The following ZNF438 variants were observed in gnomAD, a reference collection of about 807,000 sequenced individuals.
The protein encoded by ZNF438 is zinc finger protein 438.
In ZNF438, 25 loss-of-function variants were observed where a neutral mutation model predicts 38.0. The observed-to-expected ratio is 0.66, with a 90% confidence interval of 0.48 to 0.92. ZNF438 has a LOEUF of 0.92. Among genes scored for constraint, ZNF438 ranks in the 40% least tolerant of loss-of-function variants. The pLI, the probability that ZNF438 is intolerant of heterozygous loss-of-function variation, is 0.00. For synonymous variants in ZNF438, 372 were observed against 364.1 expected (o/e 1.02, Z -0.25); for missense variants, 1,007 against 999.6 (o/e 1.01, Z -0.10).
intron 3 of ZNF438, among the ~76,000 whole-genome samples, chr10:30,904,332 T>C (rs2042358079): frequency 6.6e-6 from 1 of 152,176 alleles, no homozygotes; most frequent in African/African-American, 2.4e-5. Flanking sequence ...GAGCCATGCC[T>C]TACACCTCTC....
At chr10:30,854,799 G>T (rs1331917984) in intron 4 of ZNF438, among the ~76,000 whole-genome samples, 1 of 152,134 alleles carries the variant, frequency 6.6e-6, no homozygotes, top group Non-Finnish European at 1.5e-5. Context: ...GGGGATTAGA[G>T]CGAAGACAGA....
intron 1 of ZNF438, among the ~76,000 whole-genome samples, chr10:30,979,744 T>A (rs2051887434): frequency 6.6e-6 from 1 of 152,182 alleles, no homozygotes; most frequent in African/African-American, 2.4e-5. Flanking sequence ...CTCCCACTAT[T>A]ATTGTGTGGG....
At chr10:30,994,134 A>G (rs537597346) in intron 1 of ZNF438, among the ~76,000 whole-genome samples, 1 of 152,234 alleles carries the variant, frequency 6.6e-6, no homozygotes, top group Non-Finnish European at 1.5e-5. Flanking sequence ...GTCTCACTCA[A>G]ATCTGATTTA....
At chr10:30,910,566 A>G (rs1312708956) in intron 2 of ZNF438, 1 of 151,850 alleles carries the variant, frequency 6.6e-6, no homozygotes, top group African/African-American at 2.4e-5. Context: ...GCATGGTAGC[A>G]TGAAGAACGG....
chr10:30,951,660 G>A (rs1026490333), intron 1 of ZNF438, among the ~76,000 whole-genome samples: 2 of 152,066 alleles, frequency 1.3e-5, no homozygotes, highest in Non-Finnish European at 2.9e-5. Context: ...TTGCTTCAAA[G>A]AGAATAAAAT....
intron 1 of ZNF438, among the ~76,000 whole-genome samples, chr10:30,948,304 A>T (rs2047700442): frequency 6.6e-6 from 1 of 152,140 alleles, no homozygotes; most frequent in Non-Finnish European, 1.5e-5. Flanking sequence ...TGGGGAAAAA[A>T]CAGAACAGAA....
At chr10:30,872,067 G>A (rs947310244) in intron 4 of ZNF438, among the ~76,000 whole-genome samples, 1 of 152,206 alleles carries the variant, frequency 6.6e-6, no homozygotes, top group Non-Finnish European at 1.5e-5. Context: ...CTAGGAAATG[G>A]CAAACTTAAC....
intron 4 of ZNF438, chr10:30,875,556 C>T (rs1459888703): frequency 2.0e-6 from 2 of 985,302 alleles, no homozygotes; most frequent in African/African-American, 3.5e-5. Context: ...AATTTCAAAC[C>T]CTTCATCAGC....
chr10:30,851,649 C>A (rs976361310), intron 4 of ZNF438, among the ~76,000 whole-genome samples: 1 of 152,212 alleles, frequency 6.6e-6, no homozygotes, highest in African/African-American at 2.4e-5. Context: ...ACTTCTGTAG[C>A]AAAACATGCA....
At chr10:30,943,891 C>T (rs906464974) in intron 1 of ZNF438, among the ~76,000 whole-genome samples, 6 of 130,946 alleles carry the variant, frequency 4.6e-5, no homozygotes, top group African/African-American at 1.1e-4. Context: ...AACAAACAAA[C>T]AAATTGCGGC....
intron 3 of ZNF438, among the ~76,000 whole-genome samples, chr10:30,903,034 C>G (rs567393474): frequency 4.4e-4 from 67 of 152,290 alleles, no homozygotes; most frequent in African/African-American, 1.6e-3. Flanking sequence ...CAGCTGCTGG[C>G]CCAGGTCCTA....
Position 30,961,712 on chromosome 10 carries a change from C to G in ZNF438, c.-191-20061G>C, listed in dbSNP as rs541316662. Among the ~76,000 whole-genome samples, 131 of 145,212 alleles carry G rather than the reference C, an allele frequency of 9.0e-4. 3 individuals carry two copies. Among genetic ancestry groups the G allele is most frequent in the African/African-American group, 3.0e-3 (124 of 40,926 alleles). ...GACCAGCCTGGCCAACATGGTGAAA[C>G]CCCGTCTCTATTAAAAATACAAGAG... is the stretch of plus-strand genomic sequence containing the variant. On this transcript the variant is annotated intron_variant, in intron 1 of 5. Coordinates refer to ENST00000413025, the Ensembl canonical transcript of ZNF438.
chr10:30,955,372 T>G (rs894957428), intron 1 of ZNF438, among the ~76,000 whole-genome samples: 1 of 152,242 alleles, frequency 6.6e-6, no homozygotes, highest in East Asian at 1.9e-4. Context: ...TCACTAAAAC[T>G]GGAAGAACTC....
At chr10:31,007,569 C>G (rs539948939) in intron 1 of ZNF438, among the ~76,000 whole-genome samples, 1 of 152,114 alleles carries the variant, frequency 6.6e-6, no homozygotes, top group Non-Finnish European at 1.5e-5. Flanking sequence ...CGTTAGCCAC[C>G]GCGCCCGGCC....
rs1274564441 is a variant in ZNF438, at chr10:31,021,411, T to C, written c.-192+10422A>G. Among the ~76,000 whole-genome samples the C allele has an allele frequency of 2.6e-5, 4 of 152,186 alleles. No individual in the cohort carries two copies. In the East Asian group the frequency reaches 7.7e-4, roughly 29 times the overall value. On this transcript the variant is annotated intron_variant, in intron 1 of 5. Transcript: ENST00000413025. ...AGTACAGTAGTTCTTTATTTCATAC[T>C]GAAAAAGAAAAATATTCTAAATAAA...
chr10:30,985,656 G>T (rs2052692722), intron 1 of ZNF438, among the ~76,000 whole-genome samples: 1 of 152,188 alleles, frequency 6.6e-6, no homozygotes, highest in South Asian at 2.1e-4. Flanking sequence ...CAGTTTAGAA[G>T]TTCAACAACA....
At chr10:30,875,954 C>A (rs1382808241) in intron 4 of ZNF438, among the ~76,000 whole-genome samples, 1 of 152,224 alleles carries the variant, frequency 6.6e-6, no homozygotes, top group Non-Finnish European at 1.5e-5. Flanking sequence ...ATGCAAACAA[C>A]AATATGCTAG....
intron 1 of ZNF438, among the ~76,000 whole-genome samples, chr10:30,995,619 A>G (rs2053968124): frequency 1.3e-5 from 2 of 152,238 alleles, no homozygotes; most frequent in South Asian, 2.1e-4. Context: ...CTGTAATTGC[A>G]TATTTCTTCC....
intron 3 of ZNF438, among the ~76,000 whole-genome samples, chr10:30,901,083 A>G (rs902918308): frequency 6.6e-6 from 1 of 152,188 alleles, no homozygotes; most frequent in Non-Finnish European, 1.5e-5. Context: ...GTATTTGCCC[A>G]TTACTGATAC....
Sources: gnomAD v4.1 joint callset for allele counts (sites outside exome capture counted in the v4.1 genomes callset) on GRCh38, gnomAD v4.1.1 for gene constraint, MANE v1.5 for transcripts, NCBI Gene and HGNC (gene_info 2026-07-23, HGNC 2026-07-21) for gene names.